EPC2: variants seen among roughly 807,000 people sequenced by gnomAD.
EPC2 encodes the protein enhancer of polycomb homolog 2.
EPC2 carries 14 observed loss-of-function variants against 92.1 expected under a neutral mutation model. That is an observed-to-expected ratio of 0.15 (90% confidence interval 0.10 to 0.24). The LOEUF is 0.24. Among genes scored for constraint, EPC2 ranks in the 10% least tolerant of loss-of-function variants. The pLI, the probability that EPC2 is intolerant of heterozygous loss-of-function variation, is 1.00. For missense variants in EPC2, 755 were observed against 971.5 expected (o/e 0.78, Z 2.96); for synonymous variants, 340 against 334.7 (o/e 1.02, Z -0.17).
intron 3 of EPC2, among the ~76,000 whole-genome samples, chr2:148,749,165 A>G (rs151260296): frequency 5.9e-5 from 9 of 152,228 alleles, no homozygotes; most frequent in Admixed American, 4.6e-4. Context: ...TACAGGCTAC[A>G]TGTTTACTAA....
At chr2:148,701,123 T>C (rs1267585310) in intron 2 of EPC2, among the ~76,000 whole-genome samples, 1 of 152,242 alleles carries the variant, frequency 6.6e-6, no homozygotes, top group Non-Finnish European at 1.5e-5. Flanking sequence ...CTTTGTATGC[T>C]ACAGACTTAC....
chr2:148,783,181 C>T (rs1683789708), intron 11 of EPC2, among the ~76,000 whole-genome samples: 1 of 152,196 alleles, frequency 6.6e-6, no homozygotes, highest in Admixed American at 6.5e-5. Flanking sequence ...TTTTCTGAGT[C>T]TCCTGGTTAA....
At chr2:148,733,561 C>CATCATAG (rs1408139773) in intron 2 of EPC2, among the ~76,000 whole-genome samples, 37 of 126,136 alleles carry the variant, frequency 2.9e-4, no homozygotes, top group Non-Finnish European at 5.1e-4. Context: ...GCAGTGCCGC[C>CATCATAG]ATCATAGCTC....
intron 2 of EPC2, among the ~76,000 whole-genome samples, chr2:148,706,104 A>G (rs1248968830): frequency 6.6e-6 from 1 of 152,190 alleles, no homozygotes; most frequent in Non-Finnish European, 1.5e-5. Flanking sequence ...AAAACCTTGA[A>G]AAATGATTAG....
intron 2 of EPC2, among the ~76,000 whole-genome samples, chr2:148,705,987 G>A (rs966724635): frequency 6.6e-6 from 1 of 152,180 alleles, no homozygotes; most frequent in African/African-American, 2.4e-5. Flanking sequence ...AACAAAGCTG[G>A]ACGGAGAATG....
chr2:148,786,413 T>G lies in EPC2; in HGVS notation c.*36T>G. ...GTGGCTCTGACCTGTGCTGATGGTG[T>G]GCAGTCATTCATATTCCAGCTGAAT... On this transcript the variant is annotated 3_prime_UTR_variant, in exon 14 of 14. Transcript: ENST00000258484. 6.5e-7 allele frequency: 1 copy of G among 1,541,972 alleles called. No homozygotes were observed. The highest frequency in any genetic ancestry group is 8.9e-7 in the Non-Finnish European group (1 of 1,125,370).
Position 148,751,987 on chromosome 2 carries a change from C to T in EPC2, c.460-1940C>T, listed in dbSNP as rs535768951. Among the ~76,000 whole-genome samples the T allele has an allele frequency of 9.9e-5, 15 of 152,192 alleles. No homozygotes were observed. In the East Asian group the frequency reaches 1.7e-3, roughly 18 times the overall value. On this transcript the variant is annotated intron_variant, in intron 3 of 13. Transcript: ENST00000258484. ...ATTCTTATTACTTGTGATATAAAGA[C>T]GGCTTTTAACAACACGGCAATACAC...
chr2:148,760,019 G>C (rs1441256269), intron 4 of EPC2, among the ~76,000 whole-genome samples: 2 of 152,180 alleles, frequency 1.3e-5, no homozygotes, highest in African/African-American at 4.8e-5. Flanking sequence ...AAGGTGGGCA[G>C]ATCATTTGAG....
At chr2:148,772,561 A>AGT (rs1274478142) in intron 10 of EPC2, among the ~76,000 whole-genome samples, 1 of 152,188 alleles carries the variant, frequency 6.6e-6, no homozygotes, top group Non-Finnish European at 1.5e-5. Flanking sequence ...TGACTCGTAC[A>AGT]GTGATTTGTT....
intron 2 of EPC2, among the ~76,000 whole-genome samples, chr2:148,696,583 A>G (rs957486487): frequency 1.3e-5 from 2 of 152,170 alleles, no homozygotes; most frequent in Admixed American, 6.5e-5. Context: ...ATTACAAAAT[A>G]TAAAAGCAGT....
chr2:148,784,189 T>G (rs1683814296), intron 12 of EPC2, among the ~76,000 whole-genome samples: 1 of 152,230 alleles, frequency 6.6e-6, no homozygotes, highest in African/African-American at 2.4e-5. Context: ...GCTCTTTAGA[T>G]AGAGTATTGC....
chr2:148,740,416 A>G (rs986016870), intron 2 of EPC2, among the ~76,000 whole-genome samples: 1 of 152,136 alleles, frequency 6.6e-6, no homozygotes, highest in Middle Eastern at 3.2e-3. Context: ...AATGATTCTT[A>G]TATGGGTTTT....
At chr2:148,684,208 TG>T (rs1263304789) in intron 1 of EPC2, among the ~76,000 whole-genome samples, 4 of 152,238 alleles carry the variant, frequency 2.6e-5, no homozygotes, top group South Asian at 2.1e-4. Context: ...TTGATGGGAT[TG>T]TTTTTTTTCT....
At chr2:148,776,399 T>C (rs1683646275) in intron 10 of EPC2, among the ~76,000 whole-genome samples, 1 of 152,210 alleles carries the variant, frequency 6.6e-6, no homozygotes, top group Admixed American at 6.5e-5. Context: ...TTCATTATCC[T>C]CACATCTGTT....
At position 148,670,520 on chromosome 2, in the gene EPC2, C is replaced by A. The variant is rs193301570; in HGVS notation, c.154-19694C>A. 7.5e-3 allele frequency among the ~76,000 whole-genome samples: 1,139 copies of A among 152,240 alleles called. 9 individuals are homozygous for A. The highest frequency in any genetic ancestry group is 0.012 in the Non-Finnish European group (809 of 68,012). ...AACCTCTTACCCGTTAATATGGGTT[C>A]ATTTACAAGATAGGATTTATTTTTT... On this transcript the variant is annotated intron_variant, in intron 1 of 13. Transcript: ENST00000258484.
At chr2:148,656,218 A>G (rs1270016036) in intron 1 of EPC2, among the ~76,000 whole-genome samples, 1 of 152,174 alleles carries the variant, frequency 6.6e-6, no homozygotes. Context: ...TGAGGAATTG[A>G]GAATTAGCAG....
chr2:148,755,889 A>G (rs1424331918), intron 4 of EPC2, among the ~76,000 whole-genome samples: 3 of 152,000 alleles, frequency 2.0e-5, no homozygotes, highest in African/African-American at 7.3e-5. Context: ...ACCACATCCA[A>G]CCTCTCAGAT....
intron 2 of EPC2, among the ~76,000 whole-genome samples, chr2:148,701,253 T>G (rs1037753331): frequency 6.6e-6 from 1 of 152,238 alleles, no homozygotes; most frequent in Admixed American, 6.5e-5. Flanking sequence ...ACTTTTTATT[T>G]CCTTTTCTTG....
rs76564591 is a variant in EPC2 at position 148,779,951 on chromosome 2, T to A, written c.1721-1693T>A. On this transcript the variant is annotated intron_variant, in intron 10 of 13. Transcript: ENST00000258484. ...TAAGATTTTTCTTTCTGCCTTTGTA[T>A]CTAATAAACTATTTTTCATCTCTTT... 1.0e-2 allele frequency among the ~76,000 whole-genome samples: 1,517 copies of A among 152,322 alleles called. 28 individuals carry two copies. The highest frequency in any genetic ancestry group is 0.081 in the East Asian group (417 of 5,176).
Sources: allele counts gnomAD v4.1 joint callset (sites outside exome capture counted in the v4.1 genomes callset), GRCh38; gene constraint gnomAD v4.1.1; transcripts MANE v1.5; gene names NCBI Gene and HGNC (gene_info 2026-07-23, HGNC 2026-07-21).